TSPAN15: variants seen among roughly 807,000 people sequenced by gnomAD.
The protein encoded by TSPAN15 is tetraspanin 15.
A neutral mutation model predicts 34.5 loss-of-function variants in TSPAN15; 20 were observed. The ratio of observed to expected loss-of-function variants is 0.58; its 90% CI spans 0.41 to 0.84. The LOEUF (loss-of-function observed/expected upper bound fraction) is 0.84, where lower values mean the gene tolerates loss of function less well. Among genes scored for constraint, TSPAN15 ranks in the 40% least tolerant of loss-of-function variants. TSPAN15 has a pLI of 0.00. For synonymous variants in TSPAN15, 155 were observed against 153.9 expected, an observed-to-expected ratio of 1.01 and a Z score of -0.05; for missense variants, 313 against 386.1, an observed-to-expected ratio of 0.81 and a Z score of 1.59.
intron 1 of TSPAN15, among the ~76,000 whole-genome samples, chr10:69,477,107 T>A (rs1201210177): frequency 6.6e-6 from 1 of 152,128 alleles, no homozygotes; most frequent in Non-Finnish European, 1.5e-5. Flanking sequence ...GAGCCTTCCC[T>A]AGCTTGTGGC....
the TSPAN15 span, among the ~76,000 whole-genome samples, chr10:69,525,050 G>A: frequency 2.0e-5 from 3 of 147,534 alleles, no homozygotes; most frequent in Non-Finnish European, 4.5e-5. Flanking sequence ...CAAAGTGCTG[G>A]GATTACAGGT....
chr10:69,479,685 C>T (rs1841691658), intron 1 of TSPAN15, among the ~76,000 whole-genome samples: 1 of 152,206 alleles, frequency 6.6e-6, no homozygotes, highest in Admixed American at 6.5e-5. Context: ...ATTTTATCCT[C>T]AGATGGATAA....
In TSPAN15 at chr10:69,496,320, C is replaced by CAATAATAATAAT. The variant is rs3028371; in HGVS notation, c.453+671_453+682dup. On this transcript the variant is annotated intron_variant, in intron 4 of 7. Transcript: ENST00000373290. Reference sequence around the variant, plus strand: ...CTAGGTCCACCCAAATCTGTTGGTGCAATAATAATAATAATAATAATAATA... The same window carrying CAATAATAATAAT: ...CTAGGTCCACCCAAATCTGTTGGTGCAATAATAATAATAATAATAATAATAATAATAATAATA... Among the ~76,000 whole-genome samples the CAATAATAATAAT allele has an allele frequency of 4.3e-3, 575 of 132,490 alleles. 4 individuals carry two copies. Among genetic ancestry groups the CAATAATAATAAT allele is most frequent in the Middle Eastern group, 7.5e-3 (2 of 268 alleles). The allele number at this position is 132,490 out of a possible 152,430, so 86.9% of individuals were successfully genotyped here. A position where few individuals can be genotyped will look rare whatever the true frequency, so the allele number is the denominator to read the frequency against.
intron 1 of TSPAN15, among the ~76,000 whole-genome samples, chr10:69,459,126 C>CAAAAAAAAAAAAAAAAAAAAAA (rs1841186775): frequency 2.1e-5 from 1 of 48,142 alleles, no homozygotes; most frequent in African/African-American, 5.4e-5. Flanking sequence ...AAAAAAAAAA[C>CAAAAAAAAAAAAAAAAAAAAAA]AACAACAAAA....
chr10:69,465,765 A>C (rs1041796490), intron 1 of TSPAN15, among the ~76,000 whole-genome samples: 1 of 152,020 alleles, frequency 6.6e-6, no homozygotes, highest in South Asian at 2.1e-4. Flanking sequence ...TCTTGGAAGA[A>C]CTTTTCTTAG....
intron 2 of TSPAN15, chr10:69,484,160 G>A: frequency 6.1e-6 from 2 of 325,420 alleles, no homozygotes; most frequent in Non-Finnish European, 5.7e-6. Flanking sequence ...AGCAAGCAAA[G>A]ACAAAAAAAG....
At chr10:69,454,044 T>C (rs1841030671) in intron 1 of TSPAN15, among the ~76,000 whole-genome samples, 1 of 152,192 alleles carries the variant, frequency 6.6e-6, no homozygotes, top group Non-Finnish European at 1.5e-5. Flanking sequence ...TTGGAAACCA[T>C]TTACAGGAAA....
At chr10:69,542,342 C>T in the TSPAN15 span, among the ~76,000 whole-genome samples, 5 of 152,190 alleles carry the variant, frequency 3.3e-5, no homozygotes, top group Non-Finnish European at 7.3e-5. Context: ...CAAACTTTCC[C>T]ACATTTCTCT....
chr10:69,533,313 AT>A, the TSPAN15 span, among the ~76,000 whole-genome samples: 2 of 152,220 alleles, frequency 1.3e-5, no homozygotes, highest in Non-Finnish European at 2.9e-5. Flanking sequence ...ATATATATAT[AT>A]ATAAAACGGA....
rs138301836 is a variant in TSPAN15 at position 69,455,606 on chromosome 10, T to TTC, written c.96+3935_96+3936dup. Among the ~76,000 whole-genome samples the TTC allele has an allele frequency of 8.1e-5, 9 of 111,036 alleles. 1 individual carries two copies. Among genetic ancestry groups the TTC allele is most frequent in the Non-Finnish European group, 1.5e-4 (8 of 51,998 alleles). The allele number at this position is 111,036 out of a possible 152,430, so 72.8% of individuals were successfully genotyped here. ...TCTTTCTTTCTCTTTCTTTCTTTCT[T>TTC]TCTCTCTCTCTCTCTCTCTCCCCCC... On this transcript the variant is annotated intron_variant, in intron 1 of 7. Coordinates refer to ENST00000373290, the MANE Select transcript of TSPAN15 (RefSeq NM_012339.5).
Position 69,483,807 on chromosome 10 carries a change from C to T in TSPAN15, c.213C>T (p.Val71=), listed in dbSNP as rs745741987. Reference sequence around the variant, plus strand: ...CCATCATCCTCATCCTCCTGGGCGTCGTCATGTTCATGGTCTCCTTCATTG... The same window carrying T: ...CCATCATCCTCATCCTCCTGGGCGTTGTCATGTTCATGGTCTCCTTCATTG... ...APAIILILLG[V]VMFMVSFIGV... Residue 71 remains valine (V), a synonymous_variant, in exon 2 of 8, where the codon GTC becomes GTT. Transcript: ENST00000373290. 5 of 1,614,198 alleles carry T rather than the reference C, an allele frequency of 3.1e-6. No homozygotes were observed. Among genetic ancestry groups the T allele is most frequent in the Admixed American group, 1.7e-5 (1 of 60,026 alleles).
the TSPAN15 span, among the ~76,000 whole-genome samples, chr10:69,534,192 T>C: frequency 6.6e-6 from 1 of 152,186 alleles, no homozygotes; most frequent in African/African-American, 2.4e-5. Flanking sequence ...TGAAAGAAAG[T>C]GTAAACCAAG....
intron 1 of TSPAN15, among the ~76,000 whole-genome samples, chr10:69,455,608 C>CTTTCTT (rs1428393903): frequency 1.4e-4 from 14 of 100,416 alleles, no homozygotes; most frequent in African/African-American, 5.6e-4. Context: ...TTCTTTCTTT[C>CTTTCTT]TCTCTCTCTC....
At chr10:69,484,435 T>C (rs2133113899) in intron 2 of TSPAN15, among the ~76,000 whole-genome samples, 1 of 152,342 alleles carries the variant, frequency 6.6e-6, no homozygotes, top group Middle Eastern at 3.4e-3. Context: ...GGATGGGGCA[T>C]GGGGAGTCAA....
downstream of TSPAN15, among the ~76,000 whole-genome samples, chr10:69,508,459 AAAAAAAAAAAAG>A (rs1564619495): frequency 8.5e-6 from 1 of 117,222 alleles, no homozygotes; most frequent in East Asian, 2.1e-4. Flanking sequence ...AAAAAAAAAA[AAAAAAAAAAAAG>A]AAGAAGAAAT....
intron 1 of TSPAN15, among the ~76,000 whole-genome samples, chr10:69,465,535 C>A (rs1293752975): frequency 3.9e-5 from 6 of 152,196 alleles, no homozygotes; most frequent in Admixed American, 3.9e-4. Context: ...ACGAGCCCTT[C>A]TTGTGTGCCA....
chr10:69,478,049 A>T (rs1023825587), intron 1 of TSPAN15, among the ~76,000 whole-genome samples: 1 of 152,186 alleles, frequency 6.6e-6, no homozygotes, highest in African/African-American at 2.4e-5. Context: ...GAGCTCACCC[A>T]TGGAGGCCCA....
In TSPAN15 at chr10:69,507,634, T is replaced by C; in HGVS notation, c.*656T>C. ...GCCCTTCCCCCAACCAGTTTGTTAA[T>C]CAAACAATAAAAACATGTTTTTTTT... On this transcript the variant is annotated 3_prime_UTR_variant, in exon 8 of 8. Coordinates refer to ENST00000373290, the MANE Select transcript of TSPAN15 (RefSeq NM_012339.5). 3 of 1,143,224 alleles carry C rather than the reference T, an allele frequency of 2.6e-6. No individual in the cohort carries two copies. The highest frequency in any genetic ancestry group is 2.3e-6 in the Non-Finnish European group (2 of 859,272). The allele number at this position is 1,143,224 out of a possible 1,614,324, so 70.8% of individuals were successfully genotyped here. A position where few individuals can be genotyped will look rare whatever the true frequency, so the allele number is the denominator to read the frequency against.
the TSPAN15 span, among the ~76,000 whole-genome samples, chr10:69,529,017 C>T: frequency 6.7e-6 from 1 of 148,262 alleles, no homozygotes; most frequent in African/African-American, 2.5e-5. Flanking sequence ...ACTGGGAATC[C>T]GCCCCCTTCT....
Sources: allele counts gnomAD v4.1 joint callset (sites outside exome capture counted in the v4.1 genomes callset), GRCh38; gene constraint gnomAD v4.1.1; transcripts MANE v1.5; gene names NCBI Gene and HGNC (gene_info 2026-07-23, HGNC 2026-07-21).